Variants in TMEM67 observed in about 807,000 individuals in gnomAD.
The protein encoded by TMEM67 is transmembrane protein 67.
Under a neutral mutation model 136.6 loss-of-function variants are expected in TMEM67, and 124 were observed. The ratio of observed to expected loss-of-function variants is 0.91; its 90% CI spans 0.78 to 1.05. TMEM67 has a LOEUF of 1.05. TMEM67 is among the 50% of genes least tolerant of loss of function. The pLI is 0.00. For synonymous variants in TMEM67, 364 were observed against 390.5 expected (o/e 0.93, Z 0.80); for missense variants, 1,107 against 1,178.4 (o/e 0.94, Z 0.89).
At chr8:93,795,820 A>C (rs1270120415) in intron 17 of TMEM67, 81 bp from the exon 18 acceptor site, 15 of 1,208,678 alleles carry the variant, frequency 1.2e-5, no homozygotes, top group African/African-American at 6.2e-5. Context: ...CCAAAAAAAA[A>C]CAAAAACGAA....
At chr8:93,821,137 C>T (rs74807787), downstream of TMEM67, among the ~76,000 whole-genome samples, 1,251 of 152,006 alleles carry the variant, frequency 8.2e-3, 22 homozygotes, top group African/African-American at 0.029. Flanking sequence ...ATTGAATATC[C>T]CAGTGGAAAA....
chr8:93,758,621 T>A, intron 3 of TMEM67, 45 bp downstream of exon 3: 4 of 1,480,416 alleles, frequency 2.7e-6, no homozygotes, highest in Non-Finnish European at 3.8e-6. Context: ...AAATCTTCAT[T>A]CTTGTTTTTG....
chr8:93,785,440 C>T, intron 12 of TMEM67, 62 bp downstream of exon 12: 2 of 1,502,256 alleles, frequency 1.3e-6, no homozygotes, highest in Non-Finnish European at 1.8e-6. Flanking sequence ...AGTTAACCTA[C>T]ATGATAATTT....
chr8:93,755,660 T>G (rs1812533748), intron 1 of TMEM67, 118 bp from the exon 2 acceptor site: 1 of 705,472 alleles, frequency 1.4e-6, no homozygotes. Flanking sequence ...AATCCTGCTG[T>G]TAATCACTAT....
chr8:93,823,921 T>C (rs1317336175), downstream of TMEM67, among the ~76,000 whole-genome samples: 1 of 152,080 alleles, frequency 6.6e-6, no homozygotes, highest in African/African-American at 2.4e-5. Flanking sequence ...AAGCCATCAT[T>C]ACACACAGTT....
intron 21 of TMEM67, among the ~76,000 whole-genome samples, chr8:93,800,753 C>T (rs966092216): frequency 6.6e-6 from 1 of 152,160 alleles, no homozygotes; most frequent in African/African-American, 2.4e-5. Context: ...CTTTGAGAGT[C>T]CTCAGCTTTA....
intron 26 of TMEM67, among the ~76,000 whole-genome samples, chr8:93,813,024 C>A (rs1024979327): frequency 3.9e-5 from 6 of 152,194 alleles, no homozygotes; most frequent in Admixed American, 6.5e-5. Context: ...GCATGAGTCA[C>A]CGTGTCTGGC....
intron 21 of TMEM67, among the ~76,000 whole-genome samples, chr8:93,801,680 G>A (rs1252995920): frequency 6.6e-6 from 1 of 152,158 alleles, no homozygotes; most frequent in Non-Finnish European, 1.5e-5. Flanking sequence ...AGGGTTGCAC[G>A]TGTGAGCCAG....
At chr8:93,775,616 T>C (rs1365717515) in intron 7 of TMEM67, among the ~76,000 whole-genome samples, 1 of 152,198 alleles carries the variant, frequency 6.6e-6, no homozygotes, top group Admixed American at 6.5e-5. Context: ...GGGAATCCTT[T>C]CCCCATTTCT....
chr8:93,780,487 A>G, intron 7 of TMEM67, 106 bp from the exon 8 acceptor site: 2 of 1,239,236 alleles, frequency 1.6e-6, no homozygotes, highest in South Asian at 1.2e-5. Flanking sequence ...AGCTGTTCCT[A>G]CTCGGCCATC....
intron 3 of TMEM67, chr8:93,762,955 C>A (rs1040352620): frequency 3.7e-5 from 16 of 435,806 alleles, no homozygotes; most frequent in African/African-American, 2.4e-4. Flanking sequence ...AACAGGGTCT[C>A]ACTCTTGCCC....
chr8:93,783,432 G>A (rs1360505429), intron 11 of TMEM67, among the ~76,000 whole-genome samples: 4 of 152,076 alleles, frequency 2.6e-5, no homozygotes, highest in Non-Finnish European at 1.5e-5. Flanking sequence ...CTAATAAAAA[G>A]TTACTCCCTT....
At position 93,772,603 on chromosome 8, in the gene TMEM67, T is replaced by A. The variant is rs565613699; in HGVS notation, c.666T>A (p.Thr222=). The change falls in exon 7 of 28, where the codon ACT becomes ACA. Residue 222 remains threonine (T), a synonymous_variant. Coordinates refer to ENST00000453321, the MANE Select transcript of TMEM67 (RefSeq NM_153704.6). ...TTTGTTTACAGGGCATGTCTTTAAC[T>A]TCAGAATGGTTTGCAAAGTATTTGC... is the stretch of plus-strand genomic sequence containing the variant. The part of the protein sequence containing the change: ...ARYGEVGMSL[T]SEWFAKYLQS... The A allele has an allele frequency of 3.7e-6, 6 of 1,612,822 alleles. No individual in the cohort carries two copies. The Admixed American group carries it at 1.0e-4, about 27-fold the overall frequency.
rs557537498 is a variant in TMEM67, at chr8:93,807,703, G to A, written c.2440-1137G>A. On this transcript the variant is annotated intron_variant, in intron 23 of 27. Coordinates refer to ENST00000453321, the MANE Select transcript of TMEM67 (RefSeq NM_153704.6). ...AATCAAGAAAAAAATTTTTTAAATA[G>A]AGAAGTTCACTACATGTATTCTTCC... Among the ~76,000 whole-genome samples the A allele has an allele frequency of 7.8e-4, 119 of 151,926 alleles. 1 individual carries two copies. The highest frequency in any genetic ancestry group is 1.5e-3 in the Non-Finnish European group (104 of 67,874).
At chr8:93,795,607 A>G (rs1042688687) in intron 17 of TMEM67, 100 bp downstream of exon 17, 18 of 1,112,496 alleles carry the variant, frequency 1.6e-5, no homozygotes, top group African/African-American at 1.4e-4. Flanking sequence ...TTTTTGATCA[A>G]CAGTATTAAG....
chr8:93,793,282 A>C lies in TMEM67; in HGVS notation c.1660A>C (p.Met554Leu). 6.2e-7 allele frequency: 1 copy of C among 1,613,648 alleles called. No homozygotes were observed. Among genetic ancestry groups the C allele is most frequent in the East Asian group, 2.2e-5 (1 of 44,882 alleles). Residue 554 changes from methionine (M) to leucine (L), a missense_variant, in exon 16 of 28, where the codon ATG (methionine) becomes CTG (leucine). This residue lies in a region of TMEM67 where 925 missense variants were observed against 1,002.4 expected (regional missense o/e 0.92). Coordinates refer to ENST00000453321, the MANE Select transcript of TMEM67 (RefSeq NM_153704.6). ...AGWKRRIGSP[M>L]IDLQTVVKFL... ...ATGGAAGAGGCGCATTGGGAGTCCC[A>C]TGATTGATTTACAGGTATAATCTCA...
chr8:93,831,408 A>G, the TMEM67 span, among the ~76,000 whole-genome samples: 1 of 152,238 alleles, frequency 6.6e-6, no homozygotes, highest in Admixed American at 6.5e-5. Flanking sequence ...TTCTATTACA[A>G]TGGACATTTT....
the TMEM67 span, among the ~76,000 whole-genome samples, chr8:93,825,381 C>T: frequency 2.1e-4 from 32 of 152,300 alleles, no homozygotes; most frequent in African/African-American, 7.5e-4. Flanking sequence ...TTTAAGGCCA[C>T]ATTAATTGAG....
At chr8:93,816,315 G>T in intron 27 of TMEM67, 57 bp from the exon 28 acceptor site, 1 of 799,880 alleles carries the variant, frequency 1.3e-6, no homozygotes, top group Non-Finnish European at 2.1e-6. Context: ...TTTAATCGAC[G>T]TGCATATTTA....
Sources: gnomAD v4.1 joint callset for allele counts (sites outside exome capture counted in the v4.1 genomes callset) on GRCh38, gnomAD v4.1.1 for gene constraint, gnomAD v4.1.1 regional missense constraint, MANE v1.5 for transcripts, NCBI Gene and HGNC (gene_info 2026-07-23, HGNC 2026-07-21) for gene names.